CUX1: variants seen among roughly 807,000 people sequenced by gnomAD.
The protein encoded by CUX1 is cut like homeobox 1, also known as protein CASP.
CUX1 carries 31 observed loss-of-function variants against 158.8 expected under a neutral mutation model. The observed-to-expected ratio is 0.20, with a 90% CI of 0.15 to 0.26. The LOEUF is 0.26. Ranked by LOEUF, CUX1 falls within the 10% of genes least tolerant of loss-of-function variation. CUX1 has a pLI of 1.00. For missense variants in CUX1, 1,589 were observed against 2,014.6 expected, an observed-to-expected ratio of 0.79 and a Z score of 4.04; for synonymous variants, 879 against 862.1, an observed-to-expected ratio of 1.02 and a Z score of -0.34.
chr7:102,037,718 A>C (rs187551769), intron 3 of CUX1, among the ~76,000 whole-genome samples: 31 of 152,030 alleles, frequency 2.0e-4, no homozygotes, highest in African/African-American at 6.5e-4. Flanking sequence ...CTACCTTAAA[A>C]TTTTTAAATA....
At chr7:102,011,446 T>C (rs1466458416) in intron 2 of CUX1, among the ~76,000 whole-genome samples, 2 of 152,076 alleles carry the variant, frequency 1.3e-5, no homozygotes, top group South Asian at 2.1e-4. Flanking sequence ...TTCTGCTTGC[T>C]TGCTTGCTTA....
Position 102,254,664 on chromosome 7 carries a change from A to AT in CUX1, c.*5622_*5623insT, listed in dbSNP as rs1789693770. ...GACCAGCCAAAGCTCACATTTAGAA[A>AT]GCCCTCAGTGCTTCTGTGGTTTCAC... On this transcript the variant is annotated 3_prime_UTR_variant, in exon 24 of 24. Coordinates refer to ENST00000292535, the MANE Select transcript of CUX1 (RefSeq NM_181552.4). The AT allele has an allele frequency of 1.0e-6, 1 of 985,326 alleles. No individual in the cohort carries two copies. Among genetic ancestry groups the AT allele is most frequent in the Non-Finnish European group, 1.2e-6 (1 of 829,930 alleles). 61.0% of individuals were successfully genotyped at this position (985,326 alleles called of 1,614,324 possible).
intron 4 of CUX1, among the ~76,000 whole-genome samples, chr7:102,081,445 C>G (rs1056799371): frequency 6.8e-6 from 1 of 146,384 alleles, no homozygotes; most frequent in East Asian, 1.9e-4. Context: ...AGTGAGTTCT[C>G]ACGAGATCCG....
intron 4 of CUX1, among the ~76,000 whole-genome samples, chr7:102,078,761 G>A (rs1239715892): frequency 2.6e-5 from 4 of 152,140 alleles, no homozygotes; most frequent in African/African-American, 4.8e-5. Flanking sequence ...TAGGTTTTTC[G>A]GAAGTCCTAA....
At chr7:102,210,512 C>G (rs1250275218) in intron 20 of CUX1, among the ~76,000 whole-genome samples, 1 of 152,208 alleles carries the variant, frequency 6.6e-6, no homozygotes, top group Non-Finnish European at 1.5e-5. Context: ...CCATACCCGG[C>G]CACTTTGTAA....
chr7:102,039,727 C>T (rs1392612613), intron 3 of CUX1, among the ~76,000 whole-genome samples: 2 of 152,066 alleles, frequency 1.3e-5, no homozygotes, highest in East Asian at 1.9e-4. Context: ...CTGCCTGAAG[C>T]CCCCTTCCCT....
chr7:102,073,272 C>T (rs1158076209), intron 4 of CUX1, among the ~76,000 whole-genome samples: 4 of 147,386 alleles, frequency 2.7e-5, no homozygotes, highest in African/African-American at 1.0e-4. Flanking sequence ...CTCCCAGGTT[C>T]AAGCAATTCT....
At chr7:102,052,360 T>G (rs1245162809) in intron 3 of CUX1, among the ~76,000 whole-genome samples, 1 of 152,248 alleles carries the variant, frequency 6.6e-6, no homozygotes, top group Non-Finnish European at 1.5e-5. Flanking sequence ...TTCTTAACAT[T>G]TCATATCAAT....
At chr7:102,260,717 C>T (rs1554543686), downstream of CUX1, among the ~76,000 whole-genome samples, 1 of 152,010 alleles carries the variant, frequency 6.6e-6, no homozygotes, top group Non-Finnish European at 1.5e-5. Context: ...AGCCACCATA[C>T]CCAGCCGCGT....
At position 102,251,076 on chromosome 7, in the gene CUX1, TG is replaced by T; in HGVS notation, c.*2037del. 1.6e-5 allele frequency: 16 copies of T among 985,304 alleles called. No individual in the cohort carries two copies. Among genetic ancestry groups the T allele is most frequent in the Non-Finnish European group, 1.9e-5 (16 of 829,878 alleles). 61.0% of individuals were successfully genotyped at this position (985,304 alleles called of 1,614,324 possible). ...TAGAGGGATAGACTGCCGGCAGTAT[TG>T]GGTATAATTTACAAGATGTAGTTGT... On this transcript the variant is annotated 3_prime_UTR_variant, in exon 24 of 24. Coordinates refer to ENST00000292535, the MANE Select transcript of CUX1 (RefSeq NM_181552.4).
At chr7:101,816,939 T>C (rs1319055744), upstream of CUX1, 10 of 981,852 alleles carry the variant, frequency 1.0e-5, no homozygotes, top group Non-Finnish European at 1.2e-5. Flanking sequence ...TTTGTTTACG[T>C]CCCGGGGAGC....
chr7:102,092,555 G>A (rs1251706359), intron 4 of CUX1, among the ~76,000 whole-genome samples: 2 of 152,202 alleles, frequency 1.3e-5, no homozygotes, highest in East Asian at 3.8e-4. Flanking sequence ...AATATCATAA[G>A]TCAAAAATAT....
chr7:102,161,571 G>A (rs1229497931), intron 9 of CUX1, among the ~76,000 whole-genome samples: 1 of 152,150 alleles, frequency 6.6e-6, no homozygotes, highest in Non-Finnish European at 1.5e-5. Context: ...CTCATTGGCA[G>A]CAAGGAGTCC....
chr7:102,248,277 C>T lies in CUX1; in HGVS notation c.3888-135C>T. ...AGGGGCTGCCCCGTGGCCCGAGGGTCGCTGGAGGGGCACGGAGGGGCCTCC... is the reference window on the plus strand; with the variant it reads ...AGGGGCTGCCCCGTGGCCCGAGGGTTGCTGGAGGGGCACGGAGGGGCCTCC... On this transcript the variant is annotated intron_variant, in intron 23 of 23. Coordinates refer to ENST00000292535, the MANE Select transcript of CUX1 (RefSeq NM_181552.4). This position sits in a 1 kb window ranked among gnomAD's most constrained non-coding sequence, Gnocchi z 5.8. 3 of 781,340 alleles carry T rather than the reference C, an allele frequency of 3.8e-6. No homozygotes were observed. The highest frequency in any genetic ancestry group is 3.3e-5 in the East Asian group (1 of 30,536). 48.4% of individuals were successfully genotyped at this position (781,340 alleles called of 1,614,324 possible). A position where few individuals can be genotyped will look rare whatever the true frequency, so the allele number is the denominator to read the frequency against.
chr7:102,173,368 A>T (rs1563349705), intron 10 of CUX1, among the ~76,000 whole-genome samples: 1 of 152,174 alleles, frequency 6.6e-6, no homozygotes, highest in Non-Finnish European at 1.5e-5. Flanking sequence ...ACAAAACAAA[A>T]CAAAAAAAGA....
At chr7:102,007,813 C>T (rs993081532) in intron 2 of CUX1, among the ~76,000 whole-genome samples, 5 of 151,444 alleles carry the variant, frequency 3.3e-5, no homozygotes, top group African/African-American at 9.7e-5. Flanking sequence ...GGTGCGATCT[C>T]GGCTCACTGC....
At chr7:102,196,173 G>A (rs1319317362) in intron 14 of CUX1, among the ~76,000 whole-genome samples, 1 of 152,196 alleles carries the variant, frequency 6.6e-6, no homozygotes, top group African/African-American at 2.4e-5. Context: ...TTCTCAAAAC[G>A]GGCGCGCGCC....
At chr7:101,830,704 G>T (rs1793886178) in intron 1 of CUX1, among the ~76,000 whole-genome samples, 1 of 152,044 alleles carries the variant, frequency 6.6e-6, no homozygotes, top group East Asian at 1.9e-4. Context: ...TGATCCTCCT[G>T]CCTCAGCCTC....
rs903502997 is a variant in CUX1 at position 102,256,759 on chromosome 7, G to C, written c.*7717G>C. The C allele has an allele frequency of 2.0e-6, 2 of 985,258 alleles. No homozygotes were observed. The highest frequency in any genetic ancestry group is 1.7e-5 in the African/African-American group (1 of 57,188). The allele number at this position is 985,258 out of a possible 1,614,324, so 61.0% of individuals were successfully genotyped here. ...AAGACTTCTGGGTTCATGAAGTTTC[G>C]GCGAGCCGTGGTCAGAGAGGGCGCG... On this transcript the variant is annotated 3_prime_UTR_variant, in exon 24 of 24. Transcript: ENST00000292535.
Sources: allele counts gnomAD v4.1 joint callset (sites outside exome capture counted in the v4.1 genomes callset), GRCh38; gene constraint gnomAD v4.1.1; non-coding constraint Gnocchi (gnomAD v3.1); transcripts MANE v1.5; gene names NCBI Gene and HGNC (gene_info 2026-07-23, HGNC 2026-07-21).